Variants in SYNPR observed in about 807,000 individuals in gnomAD.
SYNPR encodes synaptoporin.
A neutral mutation model predicts 32.9 loss-of-function variants in SYNPR; 23 were observed. The ratio of observed to expected loss-of-function variants is 0.70; its 90% CI spans 0.50 to 0.99. The LOEUF is 0.99. Ranked by LOEUF, SYNPR falls within the 50% of genes least tolerant of loss-of-function variation. The pLI is 0.00. For missense variants in SYNPR, 318 were observed against 349.3 expected (o/e 0.91, Z 0.71); for synonymous variants, 146 against 135.9 (o/e 1.07, Z -0.52).
At chr3:63,408,154 G>GA (rs1553876910) in intron 2 of SYNPR, among the ~76,000 whole-genome samples, 3 of 66,426 alleles carry the variant, frequency 4.5e-5, no homozygotes, top group Non-Finnish European at 3.0e-5. Context: ...AAGAAAGAAA[G>GA]AAAGAAAGAA....
chr3:63,324,860 C>T (rs2087149617), intron 2 of SYNPR, among the ~76,000 whole-genome samples: 1 of 151,960 alleles, frequency 6.6e-6, no homozygotes. Flanking sequence ...GGGTAACTGA[C>T]TGTTCTACAC....
intron 2 of SYNPR, among the ~76,000 whole-genome samples, chr3:63,289,032 G>A (rs1276459406): frequency 6.6e-6 from 1 of 152,280 alleles, no homozygotes; most frequent in African/African-American, 2.4e-5. Flanking sequence ...GACCATAAGA[G>A]TCATGTCTTT....
chr3:63,547,299 G>A (rs1702425040), intron 3 of SYNPR, among the ~76,000 whole-genome samples: 1 of 151,934 alleles, frequency 6.6e-6, no homozygotes, highest in African/African-American at 2.4e-5. Context: ...CTTAACTTAA[G>A]CAACCTGAGT....
chr3:63,355,187 G>A (rs1269723640), intron 2 of SYNPR, among the ~76,000 whole-genome samples: 1 of 151,764 alleles, frequency 6.6e-6, no homozygotes, highest in East Asian at 1.9e-4. Context: ...GCTGAGGGCA[G>A]AGAATGGCTT....
intron 4 of SYNPR, among the ~76,000 whole-genome samples, chr3:63,601,448 T>A (rs770223142): frequency 6.6e-5 from 10 of 152,164 alleles, no homozygotes; most frequent in Non-Finnish European, 1.5e-4. Flanking sequence ...TATTTCGTCA[T>A]CTAGGTAACA....
At chr3:63,454,321 C>T (rs2122799) in intron 2 of SYNPR, among the ~76,000 whole-genome samples, 23,182 of 152,016 alleles carry the variant, frequency 0.15, 1,836 homozygotes, top group Middle Eastern at 0.18. Flanking sequence ...GTGAGTTTTC[C>T]AATTTTCTCT....
chr3:63,425,673 G>T (rs1485981749), intron 2 of SYNPR, among the ~76,000 whole-genome samples: 2 of 152,010 alleles, frequency 1.3e-5, no homozygotes, highest in Admixed American at 6.6e-5. Context: ...CCTTAGGCAG[G>T]TTACTTAATC....
chr3:63,344,684 C>T (rs1432413468), intron 2 of SYNPR, among the ~76,000 whole-genome samples: 2 of 150,330 alleles, frequency 1.3e-5, no homozygotes, highest in Non-Finnish European at 2.9e-5. Flanking sequence ...CAGATAGAGT[C>T]GATTCATTGA....
intron 3 of SYNPR, among the ~76,000 whole-genome samples, chr3:63,505,374 C>T (rs780710635): frequency 2.2e-4 from 34 of 152,166 alleles, no homozygotes; most frequent in Admixed American, 3.9e-4. Context: ...GGCTCCAAAA[C>T]ACTAGTTATT....
chr3:63,554,550 T>A (rs1055499134), intron 3 of SYNPR, among the ~76,000 whole-genome samples: 1 of 152,186 alleles, frequency 6.6e-6, no homozygotes, highest in Non-Finnish European at 1.5e-5. Context: ...GAGTTTTTTA[T>A]CCTGTTCCAT....
At chr3:63,583,856 A>T (rs1703135415) in intron 4 of SYNPR, among the ~76,000 whole-genome samples, 1 of 152,074 alleles carries the variant, frequency 6.6e-6, no homozygotes, top group South Asian at 2.1e-4. Context: ...CTGACTGCAG[A>T]TCCTATTCAG....
chr3:63,527,530 G>A (rs889334258), intron 3 of SYNPR, among the ~76,000 whole-genome samples: 6 of 152,122 alleles, frequency 3.9e-5, no homozygotes, highest in Non-Finnish European at 7.3e-5. Flanking sequence ...AGAATCCTGA[G>A]CACCTCTGCA....
chr3:63,327,280 T>C (rs1281323545), intron 2 of SYNPR, among the ~76,000 whole-genome samples: 3 of 152,130 alleles, frequency 2.0e-5, no homozygotes, highest in Non-Finnish European at 2.9e-5. Flanking sequence ...TTTACACTGT[T>C]GGTAGGAGTG....
intron 4 of SYNPR, among the ~76,000 whole-genome samples, chr3:63,601,203 G>A (rs1239845943): frequency 2.6e-5 from 4 of 151,776 alleles, no homozygotes; most frequent in Non-Finnish European, 1.5e-5. Context: ...AACCTGGGAG[G>A]TGGAGGTTGT....
intron 3 of SYNPR, among the ~76,000 whole-genome samples, chr3:63,494,405 A>ATATATATATACG (rs1559516210): frequency 7.0e-4 from 37 of 53,222 alleles, no homozygotes; most frequent in African/African-American, 3.3e-3. Flanking sequence ...ATATATATAT[A>ATATATATATACG]TATATATATA....
At chr3:63,528,042 T>C (rs975171188) in intron 3 of SYNPR, among the ~76,000 whole-genome samples, 1 of 152,192 alleles carries the variant, frequency 6.6e-6, no homozygotes, top group Admixed American at 6.5e-5. Context: ...TCTCACCTCC[T>C]TCCCACATGT....
chr3:63,352,938 T>C (rs971643493), intron 2 of SYNPR, among the ~76,000 whole-genome samples: 7 of 152,192 alleles, frequency 4.6e-5, no homozygotes, highest in African/African-American at 1.2e-4. Context: ...TCCCATGACA[T>C]GTGGGAATTA....
At chr3:63,410,998 G>T (rs1172137723) in intron 2 of SYNPR, among the ~76,000 whole-genome samples, 1 of 152,184 alleles carries the variant, frequency 6.6e-6, no homozygotes, top group Non-Finnish European at 1.5e-5. Context: ...ATTAAGCCCA[G>T]TTCTCTAAAC....
intron 2 of SYNPR, among the ~76,000 whole-genome samples, chr3:63,355,116 TA>T (rs1280856690): frequency 6.6e-6 from 1 of 151,910 alleles, no homozygotes; most frequent in Non-Finnish European, 1.5e-5. Flanking sequence ...CCGTCTCTAC[TA>T]AAAATACAAA....
Sources: gnomAD v4.1 joint callset for allele counts (sites outside exome capture counted in the v4.1 genomes callset) on GRCh38, gnomAD v4.1.1 for gene constraint, MANE v1.5 for transcripts, NCBI Gene and HGNC (gene_info 2026-07-23, HGNC 2026-07-21) for gene names.